The following ZNF385D variants were observed in gnomAD, a reference collection of about 807,000 sequenced individuals.
ZNF385D encodes zinc finger protein 385D.
ZNF385D carries 15 observed loss-of-function variants against 35.8 expected under a neutral mutation model. The observed-to-expected ratio is 0.42, with a 90% CI of 0.28 to 0.64. The LOEUF (loss-of-function observed/expected upper bound fraction) is 0.64, where lower values mean the gene tolerates loss of function less well. ZNF385D is among the 30% of genes least tolerant of loss of function. The probability of loss-of-function intolerance (pLI) is 0.23; values close to 1 mark genes in which losing one functional copy is unlikely to be tolerated. For missense variants in ZNF385D, 474 were observed against 494.6 expected (o/e 0.96, Z 0.39); for synonymous variants, 212 against 186.8 (o/e 1.13, Z -1.10).
At chr3:21,844,005 T>C (rs530102737) in intron 3 of ZNF385D, among the ~76,000 whole-genome samples, 6 of 151,864 alleles carry the variant, frequency 4.0e-5, no homozygotes, top group Non-Finnish European at 5.9e-5. Flanking sequence ...TAGCAAGTAA[T>C]GCGTCACACA....
At position 22,026,621 on chromosome 3, in the gene ZNF385D, G is replaced by A. The variant is rs546909683; in HGVS notation, c.325+142196C>T. Among the ~76,000 whole-genome samples the A allele has an allele frequency of 1.3e-4, 20 of 152,302 alleles. No homozygotes were observed. The East Asian group carries it at 1.9e-3, about 15-fold the overall frequency. ...GGTCATTTCCCCAATGCCAGAATGC[G>A]TAATTGGCATAGACATATTTAGCAG... On this transcript the variant is annotated intron_variant, in intron 3 of 5. Coordinates refer to the ZNF385D transcript ENST00000494108.
rs560010992 is a variant in ZNF385D, at chr3:22,045,049, A to G, written c.325+123768T>C. ...AAATGCTGTTAATTTTTGTTTGTTG[A>G]TATTTATCCTGCAACTTTACTGTAC... is the stretch of plus-strand genomic sequence containing the variant. On this transcript the variant is annotated intron_variant, in intron 3 of 5. Coordinates refer to the ZNF385D transcript ENST00000494108. 2.6e-5 allele frequency among the ~76,000 whole-genome samples: 4 copies of G among 152,144 alleles called. No homozygotes were observed. In the East Asian group the frequency reaches 7.7e-4, roughly 29 times the overall value.
At chr3:21,470,228 A>C (rs1575206011) in intron 4 of ZNF385D, among the ~76,000 whole-genome samples, 1 of 152,170 alleles carries the variant, frequency 6.6e-6, no homozygotes, top group Non-Finnish European at 1.5e-5. Flanking sequence ...GAAAGAGTTA[A>C]AGAATTGAGA....
intron 2 of ZNF385D, among the ~76,000 whole-genome samples, chr3:22,196,429 G>A (rs549600544): frequency 2.0e-5 from 3 of 152,036 alleles, no homozygotes; most frequent in Non-Finnish European, 4.4e-5. Flanking sequence ...ACATATATTT[G>A]AATTTAAATC....
chr3:22,143,306 G>C (rs1323951698), intron 3 of ZNF385D, among the ~76,000 whole-genome samples: 1 of 152,000 alleles, frequency 6.6e-6, no homozygotes, highest in Non-Finnish European at 1.5e-5. Flanking sequence ...GGATGGTCTT[G>C]ATCGCCTGAC....
intron 2 of ZNF385D, among the ~76,000 whole-genome samples, chr3:21,637,287 A>T (rs959053815): frequency 6.6e-6 from 1 of 152,120 alleles, no homozygotes; most frequent in Non-Finnish European, 1.5e-5. Flanking sequence ...ATAAGGTGAG[A>T]GATGAGGATC....
intron 3 of ZNF385D, among the ~76,000 whole-genome samples, chr3:22,094,443 A>C (rs1701508807): frequency 6.7e-6 from 1 of 148,632 alleles, no homozygotes. Context: ...CCTCCAAGAA[A>C]AAGACACACA....
intron 3 of ZNF385D, among the ~76,000 whole-genome samples, chr3:21,867,127 G>C (rs1295189371): frequency 6.6e-6 from 1 of 151,928 alleles, no homozygotes; most frequent in Non-Finnish European, 1.5e-5. Context: ...TAGAAGGGAG[G>C]GGGGCAAAAT....
At chr3:22,043,024 C>T (rs1698763925) in intron 3 of ZNF385D, among the ~76,000 whole-genome samples, 1 of 152,140 alleles carries the variant, frequency 6.6e-6, no homozygotes, top group Non-Finnish European at 1.5e-5. Context: ...CAGAGCTTAA[C>T]AAGGCTCCAA....
chr3:21,834,053 A>T (rs527974765), intron 3 of ZNF385D, among the ~76,000 whole-genome samples: 2 of 152,208 alleles, frequency 1.3e-5, no homozygotes, highest in South Asian at 4.1e-4. Flanking sequence ...TATATATGTG[A>T]CCTTTGATAG....
At chr3:22,334,199 T>C (rs1175532042) in intron 2 of ZNF385D, among the ~76,000 whole-genome samples, 1 of 152,166 alleles carries the variant, frequency 6.6e-6, no homozygotes, top group Non-Finnish European at 1.5e-5. Flanking sequence ...CTTAATTACT[T>C]GAGTTCTATT....
At chr3:21,866,960 C>T (rs73040525) in intron 3 of ZNF385D, among the ~76,000 whole-genome samples, 10 of 152,102 alleles carry the variant, frequency 6.6e-5, no homozygotes, top group Non-Finnish European at 1.3e-4. Flanking sequence ...CACCCAATAC[C>T]CATTATCTTA....
At chr3:22,219,312 A>G (rs1043738110) in intron 2 of ZNF385D, among the ~76,000 whole-genome samples, 1 of 151,998 alleles carries the variant, frequency 6.6e-6, no homozygotes, top group East Asian at 1.9e-4. Flanking sequence ...TCTCTCCCCA[A>G]CCCTGTTCTA....
At chr3:21,612,534 C>A (rs2064714442) in intron 2 of ZNF385D, among the ~76,000 whole-genome samples, 1 of 152,204 alleles carries the variant, frequency 6.6e-6, no homozygotes, top group Admixed American at 6.5e-5. Context: ...ACTATGTATA[C>A]TACCTTGTGG....
At chr3:22,125,092 T>C (rs564948562) in intron 3 of ZNF385D, among the ~76,000 whole-genome samples, 2 of 152,250 alleles carry the variant, frequency 1.3e-5, no homozygotes, top group Non-Finnish European at 2.9e-5. Flanking sequence ...TTTTATTCTG[T>C]ATGGGAAAAA....
intron 3 of ZNF385D, among the ~76,000 whole-genome samples, chr3:21,781,692 G>T (rs1033740475): frequency 6.6e-6 from 1 of 151,822 alleles, no homozygotes; most frequent in Non-Finnish European, 1.5e-5. Context: ...AAACAAACAC[G>T]TAAGTCTTGT....
intron 3 of ZNF385D, among the ~76,000 whole-genome samples, chr3:21,808,208 T>C (rs1191208206): frequency 1.3e-5 from 2 of 152,206 alleles, no homozygotes; most frequent in Non-Finnish European, 2.9e-5. Context: ...AAATATATTT[T>C]AAAAATCAAA....
In ZNF385D at chr3:22,124,711, T is replaced by C. The variant is rs182432283; in HGVS notation, c.325+44106A>G. On this transcript the variant is annotated intron_variant, in intron 3 of 5. Transcript: ENST00000494108. Reference sequence around the variant, plus strand: ...TTCATATATTTGTTTGCTATTTGTATGTCTTTTTTGCGAATTGTCTATTCA... The same window carrying C: ...TTCATATATTTGTTTGCTATTTGTACGTCTTTTTTGCGAATTGTCTATTCA... 9.2e-5 allele frequency among the ~76,000 whole-genome samples: 14 copies of C among 152,322 alleles called. No individual in the cohort carries two copies. In the East Asian group the frequency reaches 2.7e-3, roughly 29 times the overall value.
intron 1 of ZNF385D, among the ~76,000 whole-genome samples, chr3:21,691,862 T>C (rs913423589): frequency 6.6e-6 from 1 of 152,194 alleles, no homozygotes; most frequent in African/African-American, 2.4e-5. Context: ...TGAAATTCTG[T>C]ACCCATTATA....
Sources: gnomAD v4.1 joint callset for allele counts (sites outside exome capture counted in the v4.1 genomes callset) on GRCh38, gnomAD v4.1.1 for gene constraint, MANE v1.5 for transcripts, NCBI Gene and HGNC (gene_info 2026-07-23, HGNC 2026-07-21) for gene names.